TSPAN5: variants seen among roughly 807,000 people sequenced by gnomAD.
TSPAN5 encodes tetraspanin-5.
Under a neutral mutation model 37.1 loss-of-function variants are expected in TSPAN5, and 10 were observed. The observed-to-expected ratio is 0.27, with a 90% CI of 0.17 to 0.46. TSPAN5 has a LOEUF of 0.46. Among genes scored for constraint, TSPAN5 ranks in the 20% least tolerant of loss-of-function variants. The probability of loss-of-function intolerance (pLI) is 1.00; values close to 1 mark genes in which losing one functional copy is unlikely to be tolerated. For missense variants in TSPAN5, 195 were observed against 326.6 expected (o/e 0.60, Z 3.11); for synonymous variants, 110 against 118.9 (o/e 0.93, Z 0.48).
At chr4:98,505,288 G>A (rs1753451324) in intron 2 of TSPAN5, among the ~76,000 whole-genome samples, 1 of 152,130 alleles carries the variant, frequency 6.6e-6, no homozygotes, top group African/African-American at 2.4e-5. Flanking sequence ...CTTGTACCTA[G>A]AATATATCCA....
chr4:98,490,942 G>C (rs1472409980), intron 2 of TSPAN5, among the ~76,000 whole-genome samples: 1 of 152,044 alleles, frequency 6.6e-6, no homozygotes, highest in Non-Finnish European at 1.5e-5. Context: ...CGCGCCTGTA[G>C]TTCCAGCAAC....
chr4:98,579,899 ATGC>A (rs1358697862), intron 1 of TSPAN5, among the ~76,000 whole-genome samples: 2 of 152,232 alleles, frequency 1.3e-5, no homozygotes, highest in African/African-American at 4.8e-5. Flanking sequence ...TTCATATTAG[ATGC>A]TGAATAGATT....
chr4:98,505,467 G>A (rs1248558938), intron 2 of TSPAN5, among the ~76,000 whole-genome samples: 3 of 152,128 alleles, frequency 2.0e-5, no homozygotes, highest in East Asian at 3.9e-4. Context: ...TTCCTAGAAT[G>A]TTCTTCCCCC....
intron 1 of TSPAN5, among the ~76,000 whole-genome samples, chr4:98,580,964 C>G (rs1001105551): frequency 6.6e-6 from 1 of 152,122 alleles, no homozygotes; most frequent in African/African-American, 2.4e-5. Context: ...TGCCTCTTCT[C>G]AAACCACTCC....
intron 1 of TSPAN5, among the ~76,000 whole-genome samples, chr4:98,537,008 G>GT (rs1754250493): frequency 6.6e-6 from 1 of 152,198 alleles, no homozygotes; most frequent in South Asian, 2.1e-4. Context: ...AGAGTGAATG[G>GT]TTGTCTCGTT....
intron 1 of TSPAN5, among the ~76,000 whole-genome samples, chr4:98,572,167 A>G (rs1755138500): frequency 6.6e-6 from 1 of 151,938 alleles, no homozygotes; most frequent in South Asian, 2.1e-4. Flanking sequence ...TTTCGCCGTT[A>G]ACAATTTTTT....
chr4:98,606,700 G>A (rs2110227802), intron 1 of TSPAN5, among the ~76,000 whole-genome samples: 1 of 152,276 alleles, frequency 6.6e-6, no homozygotes, highest in South Asian at 2.1e-4. Flanking sequence ...AGGCAATGAG[G>A]AATTAAATGC....
At chr4:98,542,492 G>C (rs529363832) in intron 1 of TSPAN5, among the ~76,000 whole-genome samples, 1 of 152,176 alleles carries the variant, frequency 6.6e-6, no homozygotes, top group Admixed American at 6.5e-5. Flanking sequence ...GAGGTGGCAG[G>C]ATCGCTTAAG....
At chr4:98,503,546 A>G (rs1307675394) in intron 2 of TSPAN5, among the ~76,000 whole-genome samples, 1 of 152,212 alleles carries the variant, frequency 6.6e-6, no homozygotes, top group African/African-American at 2.4e-5. Flanking sequence ...AGTGAAAACT[A>G]GTGGGACATG....
chr4:98,658,412 C>A lies in TSPAN5; in HGVS notation c.-186G>T, dbSNP rs1189971248. ...AGCGGCTCCCGCACCTCCAGCCCCT[C>A]GCGCGCCGAGGCCGCCGGAGCCGGG... On this transcript the variant is annotated 5_prime_UTR_variant, in exon 1 of 8. Transcript: ENST00000305798. 5.7e-6 allele frequency: 2 copies of A among 352,648 alleles called. No individual in the cohort carries two copies. Among genetic ancestry groups the A allele is most frequent in the Non-Finnish European group, 1.0e-5 (2 of 199,818 alleles). The allele number at this position is 352,648 out of a possible 1,614,324, so 21.8% of individuals were successfully genotyped here. A position where few individuals can be genotyped will look rare whatever the true frequency, so the allele number is the denominator to read the frequency against.
At chr4:98,486,918 G>T (rs750850027) in intron 2 of TSPAN5, 34 bp from the exon 3 acceptor site, 18 of 1,603,374 alleles carry the variant, frequency 1.1e-5, no homozygotes, top group Non-Finnish European at 1.4e-5. Context: ...ACAAGGCACG[G>T]GGATGTGGGG....
At chr4:98,625,554 G>A (rs1043914892) in intron 1 of TSPAN5, among the ~76,000 whole-genome samples, 8 of 152,198 alleles carry the variant, frequency 5.3e-5, no homozygotes, top group African/African-American at 1.9e-4. Flanking sequence ...CATATTTCCA[G>A]GGCCAGAGGG....
intron 1 of TSPAN5, among the ~76,000 whole-genome samples, chr4:98,562,083 A>G (rs1754893090): frequency 6.6e-6 from 1 of 152,196 alleles, no homozygotes; most frequent in African/African-American, 2.4e-5. Context: ...CAGGCCCTGC[A>G]CTTTGCAGAT....
intron 2 of TSPAN5, among the ~76,000 whole-genome samples, chr4:98,491,089 A>G (rs79054978): frequency 0.016 from 2,431 of 152,256 alleles, 21 homozygotes; most frequent in South Asian, 0.022. Flanking sequence ...TATGTATTGT[A>G]CATGTCCATG....
chr4:98,657,217 A>G (rs1189235001), intron 1 of TSPAN5, among the ~76,000 whole-genome samples: 1 of 152,196 alleles, frequency 6.6e-6, no homozygotes, highest in Non-Finnish European at 1.5e-5. Context: ...AAACAAACAA[A>G]CAAACAAAAA....
intron 1 of TSPAN5, among the ~76,000 whole-genome samples, chr4:98,589,194 C>T (rs1317425433): frequency 6.6e-6 from 1 of 152,170 alleles, no homozygotes; most frequent in African/African-American, 2.4e-5. Context: ...CTAGGTTATC[C>T]TTAATGCCAG....
chr4:98,579,287 A>G (rs1000007692), intron 1 of TSPAN5, among the ~76,000 whole-genome samples: 10 of 152,222 alleles, frequency 6.6e-5, no homozygotes, highest in Admixed American at 1.3e-4. Flanking sequence ...ATCAATCTTC[A>G]TCACAGGAAG....
At chr4:98,630,172 G>T (rs748372184) in intron 1 of TSPAN5, among the ~76,000 whole-genome samples, 1 of 152,156 alleles carries the variant, frequency 6.6e-6, no homozygotes, top group African/African-American at 2.4e-5. Flanking sequence ...AGAGTTCCTG[G>T]AGGGTTATGC....
chr4:98,538,836 G>A (rs1754295978), intron 1 of TSPAN5, among the ~76,000 whole-genome samples: 1 of 152,146 alleles, frequency 6.6e-6, no homozygotes, highest in Non-Finnish European at 1.5e-5. Context: ...TGTAGGTACT[G>A]TAGAAGAATT....
Sources: allele counts gnomAD v4.1 joint callset (sites outside exome capture counted in the v4.1 genomes callset), GRCh38; gene constraint gnomAD v4.1.1; transcripts MANE v1.5; gene names NCBI Gene and HGNC (gene_info 2026-07-23, HGNC 2026-07-21).